Variants in ERC1 observed in about 807,000 individuals in gnomAD.
ERC1 encodes RAB6 interacting protein 2.
In ERC1, 56 loss-of-function variants were observed where a neutral mutation model predicts 132.0. The ratio of observed to expected loss-of-function variants is 0.42; its 90% CI spans 0.34 to 0.53. The LOEUF is 0.53. Among genes scored for constraint, ERC1 ranks in the 20% least tolerant of loss-of-function variants. The pLI, the probability that ERC1 is intolerant of heterozygous loss-of-function variation, is 0.03. For synonymous variants in ERC1, 478 were observed against 476.1 expected, an observed-to-expected ratio of 1.00 and a Z score of -0.05; for missense variants, 1,202 against 1,349.9, an observed-to-expected ratio of 0.89 and a Z score of 1.72.
chr12:1,383,438 T>G (rs1181411002), intron 16 of ERC1, among the ~76,000 whole-genome samples: 1 of 151,218 alleles, frequency 6.6e-6, no homozygotes, highest in Non-Finnish European at 1.5e-5. Flanking sequence ...CTGCCTCTTT[T>G]GGTCTCTTTT....
rs748553462 is a variant in ERC1, at chr12:1,402,504, CAGAG to C, written c.2926-5637_2926-5634del. 2.0e-5 allele frequency among the ~76,000 whole-genome samples: 3 copies of C among 151,416 alleles called. No individual in the cohort carries two copies. The East Asian group carries it at 5.8e-4, about 29-fold the overall frequency. On this transcript the variant is annotated intron_variant, in intron 16 of 18. Transcript: ENST00000360905. ...CACCACTGCACTCCAGCCTGGGTGA[CAGAG>C]AGAGAGACTGTCTCAAAAAAAAGAA...
chr12:1,349,098 TCC>T (rs2084756200), intron 15 of ERC1, among the ~76,000 whole-genome samples: 1 of 152,156 alleles, frequency 6.6e-6, no homozygotes, highest in Non-Finnish European at 1.5e-5. Context: ...TGGCTACATG[TCC>T]TCAAAACATA....
chr12:1,367,671 G>A (rs562294391), intron 15 of ERC1, among the ~76,000 whole-genome samples: 1 of 152,130 alleles, frequency 6.6e-6, no homozygotes, highest in South Asian at 2.1e-4. Flanking sequence ...TTGCCCAGAT[G>A]GGGGAAGGGG....
At chr12:1,469,680 G>A (rs769736954) in intron 18 of ERC1, among the ~76,000 whole-genome samples, 1 of 152,200 alleles carries the variant, frequency 6.6e-6, no homozygotes, top group Non-Finnish European at 1.5e-5. Context: ...CGTCCCGGGA[G>A]TCCCTCATTC....
intron 7 of ERC1, among the ~76,000 whole-genome samples, chr12:1,119,258 GT>G (rs112751850): frequency 0.26 from 38,861 of 149,376 alleles, 5,237 homozygotes; most frequent in African/African-American, 0.35. Flanking sequence ...GTTTTGTTTT[GT>G]TTTTTTTGTT....
At chr12:1,095,904 C>T (rs1943960480) in intron 3 of ERC1, among the ~76,000 whole-genome samples, 1 of 151,272 alleles carries the variant, frequency 6.6e-6, no homozygotes, top group Non-Finnish European at 1.5e-5. Context: ...AAATACACCC[C>T]AATTCTTTAT....
chr12:1,450,181 A>G (rs1250314139), intron 18 of ERC1, among the ~76,000 whole-genome samples: 2 of 152,220 alleles, frequency 1.3e-5, no homozygotes, highest in Non-Finnish European at 2.9e-5. Flanking sequence ...TAAAACATAC[A>G]CAACATAAAT....
At chr12:1,345,184 C>CCTCTTTTTTTT (rs2084322482) in intron 15 of ERC1, among the ~76,000 whole-genome samples, 1 of 99,622 alleles carries the variant, frequency 1.0e-5, no homozygotes, top group Non-Finnish European at 2.1e-5. Flanking sequence ...TAGAATATTT[C>CCTCTTTTTTTT]TTCTTTTTTT....
At chr12:1,363,915 A>G (rs748276085) in intron 15 of ERC1, among the ~76,000 whole-genome samples, 3 of 152,202 alleles carry the variant, frequency 2.0e-5, no homozygotes, top group Non-Finnish European at 4.4e-5. Context: ...ATAGAGAAAC[A>G]TGAGATGAGC....
rs139296025 is a variant in ERC1 at position 1,388,083 on chromosome 12, C to T, written c.2925+16106C>T. ...GAGACTAATAAGAGTTAGCCTCGGC[C>T]GGGCGTGGTGGCTCACGCTTGTAAT... On this transcript the variant is annotated intron_variant, in intron 16 of 18. Coordinates refer to ENST00000360905, the MANE Select transcript of ERC1 (RefSeq NM_178040.4). Among the ~76,000 whole-genome samples the T allele has an allele frequency of 7.4e-4, 113 of 152,208 alleles. 1 individual carries two copies. The highest frequency in any genetic ancestry group is 2.3e-3 in the African/African-American group (95 of 41,532).
intron 17 of ERC1, chr12:1,430,364 G>A (rs1306526745): frequency 6.6e-6 from 1 of 152,034 alleles, no homozygotes; most frequent in Non-Finnish European, 1.5e-5. Flanking sequence ...AAGGAGGAAT[G>A]CTAAATAATT....
chr12:1,477,514 A>T (rs938841860), intron 18 of ERC1, among the ~76,000 whole-genome samples: 1 of 152,230 alleles, frequency 6.6e-6, no homozygotes, highest in East Asian at 1.9e-4. Flanking sequence ...GGAGAGCCAG[A>T]AACATGTGGG....
chr12:1,101,835 G>C (rs1944701141), intron 3 of ERC1, among the ~76,000 whole-genome samples: 2 of 152,192 alleles, frequency 1.3e-5, no homozygotes, highest in African/African-American at 4.8e-5. Flanking sequence ...TATTTGTACG[G>C]GTTGTTCACC....
At position 1,077,069 on chromosome 12, in the gene ERC1, T is replaced by C. The variant is rs560957899; in HGVS notation, c.670-6095T>C. On this transcript the variant is annotated intron_variant, in intron 2 of 18. Coordinates refer to ENST00000360905, the MANE Select transcript of ERC1 (RefSeq NM_178040.4). ...ATTAATAAAGTTTATTTAATACATGTATTTATATGTTTCAGAAAAAAATGT... is the reference window on the plus strand; with the variant it reads ...ATTAATAAAGTTTATTTAATACATGCATTTATATGTTTCAGAAAAAAATGT... Among the ~76,000 whole-genome samples, 133 of 152,336 alleles carry C rather than the reference T, an allele frequency of 8.7e-4. 1 individual carries two copies. The highest frequency in any genetic ancestry group is 3.4e-3 in the Middle Eastern group (1 of 294).
At chr12:1,418,452 T>G (rs1389001338) in intron 17 of ERC1, among the ~76,000 whole-genome samples, 1 of 152,210 alleles carries the variant, frequency 6.6e-6, no homozygotes, top group African/African-American at 2.4e-5. Flanking sequence ...GCCTTGTTAA[T>G]TCCTCCCAGT....
chr12:1,231,305 TTA>T (rs1472451987), intron 12 of ERC1, among the ~76,000 whole-genome samples: 4 of 152,192 alleles, frequency 2.6e-5, no homozygotes, highest in African/African-American at 9.7e-5. Context: ...TTCTGCAATT[TTA>T]TGTCTCCCTC....
chr12:1,490,075 C>G lies in ERC1; in HGVS notation c.3214-18C>G, dbSNP rs2094303011. 1.2e-6 allele frequency: 2 copies of G among 1,609,574 alleles called. No homozygotes were observed. The highest frequency in any genetic ancestry group is 3.3e-5 in the Admixed American group (2 of 59,822). ...TGGGATTGTTGTATCTGAAATCCAT[C>G]TCTCCTTTCCCTTTCAGCTTCAGGA... On this transcript the variant is annotated intron_variant, in intron 18 of 18. Transcript: ENST00000360905.
chr12:1,355,796 C>G (rs1370456953), intron 15 of ERC1, among the ~76,000 whole-genome samples: 1 of 152,128 alleles, frequency 6.6e-6, no homozygotes, highest in Non-Finnish European at 1.5e-5. Flanking sequence ...AAAGCTGAGT[C>G]AAAGATTAGC....
At chr12:1,487,896 T>C (rs1299707129) in intron 18 of ERC1, among the ~76,000 whole-genome samples, 4 of 151,910 alleles carry the variant, frequency 2.6e-5, no homozygotes, top group Admixed American at 2.6e-4. Context: ...CCCAACACTT[T>C]GGGAGGCCGA....
Sources: gnomAD v4.1 joint callset for allele counts (sites outside exome capture counted in the v4.1 genomes callset) on GRCh38, gnomAD v4.1.1 for gene constraint, MANE v1.5 for transcripts, NCBI Gene and HGNC (gene_info 2026-07-23, HGNC 2026-07-21) for gene names.